Variants in GNAQ observed in about 807,000 individuals in gnomAD.
GNAQ encodes G protein subunit alpha q.
Under a neutral mutation model 43.9 loss-of-function variants are expected in GNAQ, and 8 were observed. That is an observed-to-expected ratio of 0.18 (90% CI 0.11 to 0.33). The LOEUF (loss-of-function observed/expected upper bound fraction) is 0.33, where lower values mean the gene tolerates loss of function less well. Among genes scored for constraint, GNAQ ranks in the 10% least tolerant of loss-of-function variants. GNAQ has a pLI of 1.00. For synonymous variants in GNAQ, 155 were observed against 170.7 expected (o/e 0.91, Z 0.71); for missense variants, 158 against 450.8 (o/e 0.35, Z 5.88).
intron 5 of GNAQ, among the ~76,000 whole-genome samples, chr9:77,784,752 A>G (rs1826450941): frequency 1.3e-5 from 2 of 152,236 alleles, no homozygotes; most frequent in Admixed American, 6.5e-5. Flanking sequence ...ATTTATAAAG[A>G]ATTCCTCTAT....
At chr9:77,861,606 C>CT (rs1310839485) in intron 2 of GNAQ, among the ~76,000 whole-genome samples, 5 of 152,102 alleles carry the variant, frequency 3.3e-5, no homozygotes, top group African/African-American at 7.2e-5. Context: ...AAACAAAGGG[C>CT]TACAGGCCCC....
intron 1 of GNAQ, among the ~76,000 whole-genome samples, chr9:77,962,646 T>C (rs563020103): frequency 6.6e-6 from 1 of 152,012 alleles, no homozygotes; most frequent in South Asian, 2.1e-4. Flanking sequence ...TCCCAGAACT[T>C]TGGGAGGCCG....
chr9:77,952,776 T>C (rs1822997728), intron 1 of GNAQ, among the ~76,000 whole-genome samples: 1 of 152,190 alleles, frequency 6.6e-6, no homozygotes, highest in Non-Finnish European at 1.5e-5. Flanking sequence ...TAATTATTCA[T>C]TGGTAAATGT....
intron 2 of GNAQ, among the ~76,000 whole-genome samples, chr9:77,874,104 C>CA (rs71937328): frequency 0.17 from 16,360 of 98,726 alleles, 1,028 homozygotes; most frequent in African/African-American, 0.21. Flanking sequence ...AACTCCATCT[C>CA]AAAAAAAAAA....
intron 2 of GNAQ, among the ~76,000 whole-genome samples, chr9:77,836,704 G>C (rs74653340): frequency 0.01 from 1,547 of 152,158 alleles, 25 homozygotes; most frequent in African/African-American, 0.036. Context: ...ACTAAATCCT[G>C]TATCTGCTGA....
At chr9:77,783,437 G>A (rs542688887) in intron 5 of GNAQ, among the ~76,000 whole-genome samples, 95 of 152,238 alleles carry the variant, frequency 6.2e-4, no homozygotes, top group Non-Finnish European at 1.1e-3. Context: ...TCAATAAGCC[G>A]TTATTTTTTA....
intron 5 of GNAQ, among the ~76,000 whole-genome samples, chr9:77,744,721 T>C (rs1203812091): frequency 6.6e-6 from 1 of 152,192 alleles, no homozygotes; most frequent in Non-Finnish European, 1.5e-5. Context: ...TGCTGTATGC[T>C]ACTATTAGTA....
chr9:77,842,940 G>A (rs951957456), intron 2 of GNAQ, among the ~76,000 whole-genome samples: 1 of 152,140 alleles, frequency 6.6e-6, no homozygotes, highest in African/African-American at 2.4e-5. Context: ...TACTGAAAGG[G>A]CTCAAATGAC....
chr9:77,755,490 G>A (rs1255018399), intron 5 of GNAQ, among the ~76,000 whole-genome samples: 2 of 152,094 alleles, frequency 1.3e-5, no homozygotes, highest in Non-Finnish European at 2.9e-5. Flanking sequence ...TATATGCCAT[G>A]TACTCATAAT....
rs572931570 is a variant in GNAQ, at chr9:77,758,655, T to C, written c.736-29988A>G. On this transcript the variant is annotated intron_variant, in intron 5 of 6. Transcript: ENST00000286548. ...AAATAAACATATGTACTTATGTATATATAATTTTAGATAAATGGTAGCACA... is the reference window on the plus strand; with the variant it reads ...AAATAAACATATGTACTTATGTATACATAATTTTAGATAAATGGTAGCACA... Among the ~76,000 whole-genome samples, 295 of 152,316 alleles carry C rather than the reference T, an allele frequency of 1.9e-3. 2 individuals are homozygous for C. Among genetic ancestry groups the C allele is most frequent in the African/African-American group, 6.4e-3 (268 of 41,586 alleles).
intron 2 of GNAQ, among the ~76,000 whole-genome samples, chr9:77,872,812 G>A (rs1461086493): frequency 1.3e-5 from 2 of 152,126 alleles, no homozygotes; most frequent in African/African-American, 2.4e-5. Context: ...ACACATGAAA[G>A]GGGCTTAAGT....
intron 3 of GNAQ, among the ~76,000 whole-genome samples, chr9:77,802,060 C>T (rs985956279): frequency 3.3e-5 from 5 of 151,922 alleles, no homozygotes; most frequent in African/African-American, 7.3e-5. Context: ...TCAGCTACAT[C>T]GGAGGCTTAG....
At chr9:77,922,097 T>C in intron 2 of GNAQ, 64 bp downstream of exon 2, 4 of 1,117,634 alleles carry the variant, frequency 3.6e-6, no homozygotes, top group African/African-American at 1.5e-5. Context: ...GCTACTCGTG[T>C]TGTCACATTA....
intron 1 of GNAQ, among the ~76,000 whole-genome samples, chr9:78,012,793 C>A (rs1033387804): frequency 1.3e-5 from 2 of 152,032 alleles, no homozygotes; most frequent in African/African-American, 2.4e-5. Flanking sequence ...AAATGAGGTT[C>A]CTTAGGTTTA....
chr9:78,027,705 C>T (rs931476200), intron 1 of GNAQ, among the ~76,000 whole-genome samples: 37 of 147,992 alleles, frequency 2.5e-4, no homozygotes, highest in African/African-American at 8.8e-4. Context: ...GAAGTGAGGT[C>T]GCGCCATTGC....
intron 5 of GNAQ, among the ~76,000 whole-genome samples, chr9:77,766,163 T>C (rs906837527): frequency 1.3e-5 from 2 of 152,226 alleles, no homozygotes; most frequent in African/African-American, 4.8e-5. Flanking sequence ...ATAATGTGAA[T>C]GTTTTTAGTA....
chr9:77,837,847 A>ATTTT (rs71360655), intron 2 of GNAQ, among the ~76,000 whole-genome samples: 5 of 128,960 alleles, frequency 3.9e-5, no homozygotes, highest in East Asian at 2.3e-4. Context: ...AGTGATTTAA[A>ATTTT]TTTTTTTTTT....
intron 1 of GNAQ, among the ~76,000 whole-genome samples, chr9:77,959,452 A>C (rs2118411642): frequency 1.3e-5 from 2 of 152,360 alleles, no homozygotes; most frequent in South Asian, 4.1e-4. Context: ...CATAAAATAC[A>C]AATAAATCTT....
At chr9:77,736,230 G>A (rs939325908) in intron 5 of GNAQ, among the ~76,000 whole-genome samples, 2 of 152,090 alleles carry the variant, frequency 1.3e-5, no homozygotes, top group Non-Finnish European at 2.9e-5. Context: ...CCGTTAAAGG[G>A]GAGGATCTTC....
Sources: gnomAD v4.1 joint callset for allele counts (sites outside exome capture counted in the v4.1 genomes callset) on GRCh38, gnomAD v4.1.1 for gene constraint, MANE v1.5 for transcripts, NCBI Gene and HGNC (gene_info 2026-07-23, HGNC 2026-07-21) for gene names.